GATAD2B: variants seen among roughly 807,000 people sequenced by gnomAD.
GATAD2B encodes the protein GATA zinc finger domain containing 2B.
A neutral mutation model predicts 64.3 loss-of-function variants in GATAD2B; 8 were observed. The observed-to-expected ratio is 0.12, with a 90% confidence interval of 0.07 to 0.22. GATAD2B has a LOEUF of 0.22. Among genes scored for constraint, GATAD2B ranks in the 10% least tolerant of loss-of-function variants. The pLI is 1.00. For missense variants in GATAD2B, 453 were observed against 752.0 expected (o/e 0.60, Z 4.65); for synonymous variants, 281 against 271.3 (o/e 1.04, Z -0.35).
intron 1 of GATAD2B, among the ~76,000 whole-genome samples, chr1:153,885,333 G>A (rs1677145767): frequency 1.3e-5 from 2 of 152,066 alleles, no homozygotes; most frequent in South Asian, 4.1e-4. Flanking sequence ...AGACATGTAT[G>A]ATCTCCACTC....
chr1:153,861,392 C>G (rs193198456), intron 1 of GATAD2B, among the ~76,000 whole-genome samples: 289 of 150,884 alleles, frequency 1.9e-3, no homozygotes, highest in Non-Finnish European at 2.8e-3. Flanking sequence ...TGCCTCCCAC[C>G]CCGGGCCATC....
intron 1 of GATAD2B, among the ~76,000 whole-genome samples, chr1:153,886,771 G>C (rs1005539925): frequency 1.3e-5 from 2 of 151,648 alleles, no homozygotes; most frequent in Non-Finnish European, 2.9e-5. Context: ...GTGTTAGCGA[G>C]GATGGTCTCA....
At chr1:153,914,158 G>A (rs766133793) in intron 1 of GATAD2B, among the ~76,000 whole-genome samples, 7 of 138,080 alleles carry the variant, frequency 5.1e-5, no homozygotes, top group East Asian at 2.2e-4. Flanking sequence ...CAGGAGAATC[G>A]TTTGAACCCG....
intron 1 of GATAD2B, among the ~76,000 whole-genome samples, chr1:153,863,774 C>T (rs975239082): frequency 4.0e-5 from 6 of 151,874 alleles, no homozygotes; most frequent in African/African-American, 1.5e-4. Context: ...CAGGCACGTG[C>T]CACAATGCCT....
chr1:153,854,611 T>C (rs1375811599), intron 1 of GATAD2B, among the ~76,000 whole-genome samples: 3 of 152,214 alleles, frequency 2.0e-5, no homozygotes, highest in Admixed American at 2.0e-4. Context: ...AAAAAATAGT[T>C]GTTACATTTC....
chr1:153,823,369 A>G (rs1570933752), intron 2 of GATAD2B, among the ~76,000 whole-genome samples: 1 of 152,372 alleles, frequency 6.6e-6, no homozygotes, highest in East Asian at 1.9e-4. Context: ...TCTCTCTAGA[A>G]TTCTAAAACA....
chr1:153,922,236 G>A (rs1278495077), intron 1 of GATAD2B, among the ~76,000 whole-genome samples: 1 of 151,374 alleles, frequency 6.6e-6, no homozygotes, highest in African/African-American at 2.4e-5. Context: ...ACACAAGACT[G>A]AGCAGGGAGC....
chr1:153,815,947 G>C (rs1674466556), intron 7 of GATAD2B, among the ~76,000 whole-genome samples: 1 of 152,118 alleles, frequency 6.6e-6, no homozygotes, highest in Admixed American at 6.6e-5. Flanking sequence ...CAGCTACGTG[G>C]GAGGCTGAGG....
rs535590020 is a variant in GATAD2B at position 153,864,866 on chromosome 1, C to T, written c.-1-36518G>A. 1.4e-3 allele frequency among the ~76,000 whole-genome samples: 208 copies of T among 151,644 alleles called. 2 individuals carry two copies. In the South Asian group the frequency reaches 0.043, roughly 31 times the overall value. ...GGCGGATCACTTGAGGTCAGGAGTT[C>T]GAGACCAGCCAGGTCAACATAGTGA... On this transcript the variant is annotated intron_variant, in intron 1 of 10. Transcript: ENST00000368655.
At chr1:153,918,539 T>C (rs1678339108) in intron 1 of GATAD2B, among the ~76,000 whole-genome samples, 1 of 152,220 alleles carries the variant, frequency 6.6e-6, no homozygotes, top group South Asian at 2.1e-4. Context: ...CAGCATGTAT[T>C]TTTAAAGATT....
chr1:153,867,811 C>T (rs947119268), intron 1 of GATAD2B, among the ~76,000 whole-genome samples: 5 of 151,368 alleles, frequency 3.3e-5, no homozygotes, highest in African/African-American at 1.2e-4. Context: ...AGTGAGCCAA[C>T]ACGGTGCCAC....
chr1:153,870,699 T>C (rs1046531606), intron 1 of GATAD2B, among the ~76,000 whole-genome samples: 5 of 152,210 alleles, frequency 3.3e-5, no homozygotes, highest in African/African-American at 9.7e-5. Context: ...TCAAGCTATA[T>C]GTTTAAGGTA....
chr1:153,872,464 G>C (rs1214688809), intron 1 of GATAD2B, among the ~76,000 whole-genome samples: 3 of 151,040 alleles, frequency 2.0e-5, no homozygotes, highest in Non-Finnish European at 4.4e-5. Flanking sequence ...CACCAAATCT[G>C]ATTTTGTCAC....
In GATAD2B at chr1:153,896,433, CTTTTTTT is replaced by C. The variant is rs35275252; in HGVS notation, c.-2+26293_-2+26299del. Among the ~76,000 whole-genome samples the C allele has an allele frequency of 7.8e-5, 9 of 115,968 alleles. No homozygotes were observed. In the East Asian group the frequency reaches 1.2e-3, roughly 16 times the overall value. 76.1% of individuals were successfully genotyped at this position (115,968 alleles called of 152,430 possible). On this transcript the variant is annotated intron_variant, in intron 1 of 10. Coordinates refer to ENST00000368655, the MANE Select transcript of GATAD2B (RefSeq NM_020699.4). ...CTGTAAGAGTGAACAGTAAAATTTT[CTTTTTTT>C]TTTTTTTTTTTTGGAAATGGAGTTT...
intron 1 of GATAD2B, among the ~76,000 whole-genome samples, chr1:153,829,279 T>C (rs1203850488): frequency 1.3e-5 from 2 of 152,212 alleles, no homozygotes; most frequent in Non-Finnish European, 2.9e-5. Flanking sequence ...TCCAGGTTTG[T>C]TGTCCTGGTA....
intron 1 of GATAD2B, among the ~76,000 whole-genome samples, chr1:153,879,529 C>G (rs1676943317): frequency 6.6e-6 from 1 of 151,808 alleles, no homozygotes; most frequent in Non-Finnish European, 1.5e-5. Flanking sequence ...TATGGGAAGT[C>G]AAGACGGGCG....
intron 1 of GATAD2B, among the ~76,000 whole-genome samples, chr1:153,845,825 C>T (rs1292453081): frequency 6.6e-6 from 1 of 152,040 alleles, no homozygotes; most frequent in Non-Finnish European, 1.5e-5. Context: ...GTTCCAGCTA[C>T]TCAGGAAGCT....
intron 1 of GATAD2B, among the ~76,000 whole-genome samples, chr1:153,892,989 G>C (rs758826947): frequency 2.2e-4 from 34 of 151,976 alleles, no homozygotes; most frequent in Non-Finnish European, 4.3e-4. Flanking sequence ...CACTGCGCCC[G>C]GCCAAGAAAT....
At chr1:153,915,371 C>G (rs1678230378) in intron 1 of GATAD2B, among the ~76,000 whole-genome samples, 1 of 151,964 alleles carries the variant, frequency 6.6e-6, no homozygotes, top group South Asian at 2.1e-4. Flanking sequence ...TGCAGTGAGC[C>G]AAGACTGCAC....
Sources: gnomAD v4.1 joint callset for allele counts (sites outside exome capture counted in the v4.1 genomes callset) on GRCh38, gnomAD v4.1.1 for gene constraint, MANE v1.5 for transcripts, NCBI Gene and HGNC (gene_info 2026-07-23, HGNC 2026-07-21) for gene names.